Variants in PLAC1 observed in about 807,000 individuals in gnomAD.
PLAC1 encodes placenta-specific protein 1.
For synonymous variants in PLAC1, 68 were observed against 62.1 expected, an observed-to-expected ratio of 1.09 and a Z score of -0.44; for missense variants, 136 against 163.2, an observed-to-expected ratio of 0.83 and a Z score of 0.91.
At chrX:134,629,217 T>A (rs2078249395) in intron 1 of PLAC1, among the ~76,000 whole-genome samples, 1 of 111,982 alleles carries the variant, frequency 8.9e-6, no homozygotes, top group Non-Finnish European at 1.9e-5. Context: ...CACATGTACA[T>A]CCCTTGGTCT....
At chrX:134,655,364 CAT>C (rs755689166) in intron 1 of PLAC1, among the ~76,000 whole-genome samples, 10 of 101,306 alleles carry the variant, frequency 9.9e-5, no homozygotes, top group African/African-American at 3.6e-4. Flanking sequence ...CACACACACA[CAT>C]ATATTTGAAG....
chrX:134,609,505 G>T (rs2124395751), intron 1 of PLAC1, among the ~76,000 whole-genome samples: 1 of 111,990 alleles, frequency 8.9e-6, no homozygotes, highest in East Asian at 2.8e-4. Flanking sequence ...AATTCTGAGA[G>T]CCATCTGAGA....
At chrX:134,612,941 G>A (rs1325944352) in intron 1 of PLAC1, among the ~76,000 whole-genome samples, 1 of 110,418 alleles carries the variant, frequency 9.1e-6, no homozygotes, top group Non-Finnish European at 1.9e-5. Context: ...GGGTTTCTCA[G>A]GCACACATAG....
intron 1 of PLAC1, among the ~76,000 whole-genome samples, chrX:134,621,400 C>T (rs1396976071): frequency 3.5e-5 from 3 of 86,506 alleles, no homozygotes; most frequent in Non-Finnish European, 6.3e-5. Flanking sequence ...GAGCCGAGAT[C>T]GTGCCACTGC....
upstream of PLAC1, among the ~76,000 whole-genome samples, chrX:134,663,255 T>C (rs1250163667): frequency 8.8e-6 from 1 of 113,072 alleles, no homozygotes; most frequent in South Asian, 3.6e-4. Context: ...CCAATACTTA[T>C]GTCAGAACCA....
At position 134,702,291 on chromosome X, in the gene PLAC1, C is replaced by T. The variant is rs188473349; in HGVS notation, n.174+31144G>A. Among the ~76,000 whole-genome samples, 9 of 112,444 alleles carry T rather than the reference C, an allele frequency of 8.0e-5. No individual in the cohort carries two copies. The South Asian group carries it at 1.8e-3, about 23-fold the overall frequency. On this transcript the variant is annotated intron_variant and non_coding_transcript_variant, in intron 2 of 2. Transcript: ENST00000466797. Reference sequence around the variant, plus strand: ...AAATGTTCTACCAAAATGACACACACACTTGCATGTTCATTGCAGCACTAT... The same window carrying T: ...AAATGTTCTACCAAAATGACACACATACTTGCATGTTCATTGCAGCACTAT...
chrX:134,645,899 A>G (rs2078330638), intron 1 of PLAC1, among the ~76,000 whole-genome samples: 1 of 111,627 alleles, frequency 9.0e-6, no homozygotes, highest in Non-Finnish European at 1.9e-5. Flanking sequence ...TTCTCTCTGC[A>G]TAGCTTAGGT....
intron 2 of PLAC1, among the ~76,000 whole-genome samples, chrX:134,592,610 T>C (rs1023658179): frequency 9.0e-6 from 1 of 110,552 alleles, no homozygotes; most frequent in African/African-American, 3.3e-5. Context: ...CTTCCCTGAG[T>C]CTCCAGCCTG....
At chrX:134,598,837 G>C (rs1188900606) in intron 2 of PLAC1, among the ~76,000 whole-genome samples, 3 of 111,693 alleles carry the variant, frequency 2.7e-5, no homozygotes, top group African/African-American at 9.8e-5. Flanking sequence ...GAAACACCAT[G>C]AGTTTGACTT....
At chrX:134,758,902 T>C (rs997822673) in intron 1 of PLAC1, among the ~76,000 whole-genome samples, 1 of 111,677 alleles carries the variant, frequency 9.0e-6, no homozygotes, top group Non-Finnish European at 1.9e-5. Flanking sequence ...ATATCCAGAA[T>C]ATACCAAGAA....
At chrX:134,761,185 G>GA (rs957338904) in intron 1 of PLAC1, among the ~76,000 whole-genome samples, 61 of 102,086 alleles carry the variant, frequency 6.0e-4, no homozygotes, top group South Asian at 1.6e-3. Context: ...AAAATTTCAG[G>GA]AAAAAAAAAA....
intron 2 of PLAC1, among the ~76,000 whole-genome samples, chrX:134,723,145 C>T (rs2078663453): frequency 1.8e-5 from 2 of 110,964 alleles, no homozygotes; most frequent in Non-Finnish European, 3.8e-5. Context: ...TTTAAATATA[C>T]TTGTTTTGAT....
At chrX:134,589,737 A>G (rs1371713651) in intron 2 of PLAC1, among the ~76,000 whole-genome samples, 1 of 108,046 alleles carries the variant, frequency 9.3e-6, no homozygotes, top group African/African-American at 3.4e-5. Context: ...AAAAAAAAAA[A>G]AAAAAATACA....
At chrX:134,687,616 G>C (rs1204903143) in intron 2 of PLAC1, among the ~76,000 whole-genome samples, 3 of 106,429 alleles carry the variant, frequency 2.8e-5, no homozygotes, top group African/African-American at 1.0e-4. Context: ...GGGTTGATCT[G>C]GGTGCTTTTG....
At chrX:134,591,850 A>G (rs2078040462) in intron 2 of PLAC1, among the ~76,000 whole-genome samples, 1 of 112,281 alleles carries the variant, frequency 8.9e-6, no homozygotes, top group African/African-American at 3.2e-5. Context: ...TCTAATAGGT[A>G]TGTAGTGACA....
intron 1 of PLAC1, among the ~76,000 whole-genome samples, chrX:134,611,418 G>C (rs779569262): frequency 1.8e-5 from 2 of 108,248 alleles, no homozygotes; most frequent in Middle Eastern, 4.8e-3. Context: ...GTCTGACCTA[G>C]AGTAATTTCT....
intron 1 of PLAC1, among the ~76,000 whole-genome samples, chrX:134,649,386 G>T (rs2078351041): frequency 9.0e-6 from 1 of 110,950 alleles, no homozygotes; most frequent in South Asian, 3.8e-4. Context: ...TATCTGTATG[G>T]TGGAAATACG....
chrX:134,667,917 C>T, intron 2 of PLAC1, among the ~76,000 whole-genome samples: 1 of 107,619 alleles, frequency 9.3e-6, no homozygotes. Context: ...CAGAACAAGA[C>T]CTTGTCTCAA....
At chrX:134,585,202 C>T (rs1158810235) in intron 2 of PLAC1, among the ~76,000 whole-genome samples, 2 of 81,957 alleles carry the variant, frequency 2.4e-5, no homozygotes, top group African/African-American at 4.2e-5. Context: ...AAAAAAAAGC[C>T]GGGCATGGTG....
Sources: allele counts gnomAD v4.1 joint callset (sites outside exome capture counted in the v4.1 genomes callset), GRCh38; gene constraint gnomAD v4.1.1; transcripts MANE v1.5; gene names NCBI Gene and HGNC (gene_info 2026-07-23, HGNC 2026-07-21).